Variants in DDR2 observed in about 807,000 individuals in gnomAD.
The protein encoded by DDR2 is discoidin domain receptor tyrosine kinase 2.
DDR2 carries 27 observed loss-of-function variants against 94.9 expected under a neutral mutation model. The ratio of observed to expected loss-of-function variants is 0.28; its 90% CI spans 0.21 to 0.39. The LOEUF (loss-of-function observed/expected upper bound fraction) is 0.39. Among genes scored for constraint, DDR2 ranks in the 10% least tolerant of loss-of-function variants. DDR2 has a pLI of 1.00. For synonymous variants in DDR2, 382 were observed against 377.2 expected (o/e 1.01, Z -0.15); for missense variants, 783 against 1,076.0 (o/e 0.73, Z 3.81).
At chr1:162,772,452 T>A in intron 13 of DDR2, 1 of 597,296 alleles carries the variant, frequency 1.7e-6, no homozygotes, top group Non-Finnish European at 3.0e-6. Flanking sequence ...TTCTGATTTC[T>A]ATATAGGAGT....
rs1178134009 is a variant in DDR2, at chr1:162,787,019, TTATAC to T, written c.*6776_*6780del. ...GAAAACCAGAATTTAGACTCAGTCA[TTATAC>T]TAGAGATTAGAATGAAACGACCCCA... On this transcript the variant is annotated 3_prime_UTR_variant, in exon 18 of 18. Transcript: ENST00000367921. The T allele has an allele frequency of 6.6e-6, 1 of 152,206 alleles. No individual in the cohort carries two copies. The highest frequency in any genetic ancestry group is 6.5e-5 in the Admixed American group (1 of 15,284). The allele number at this position is 152,206 out of a possible 1,614,324, so 9.4% of individuals were successfully genotyped here.
chr1:162,684,829 AC>A (rs1375522206), intron 2 of DDR2, among the ~76,000 whole-genome samples: 1 of 146,642 alleles, frequency 6.8e-6, no homozygotes, highest in African/African-American at 2.7e-5. Flanking sequence ...ACACACACAC[AC>A]ACACACACAC....
intron 7 of DDR2, 123 bp downstream of exon 7, chr1:162,755,892 A>G (rs1023846618): frequency 3.4e-6 from 3 of 871,412 alleles, no homozygotes; most frequent in African/African-American, 3.3e-5. Context: ...TGTACAAGGC[A>G]TTTGGAAATA....
intron 4 of DDR2, among the ~76,000 whole-genome samples, chr1:162,754,054 G>T (rs1178475940): frequency 6.6e-6 from 1 of 152,140 alleles, no homozygotes. Context: ...TCACAATTTT[G>T]CTCAGTGGTA....
In DDR2 at chr1:162,754,681, T is replaced by C. The variant is rs138537887; in HGVS notation, c.243T>C (p.Asp81=). The C allele has an allele frequency of 1.1e-3, 1,770 of 1,614,150 alleles. 6 individuals are homozygous for C. The highest frequency in any genetic ancestry group is 1.3e-3 in the Non-Finnish European group (1,496 of 1,180,016). The part of the protein sequence containing the change: ...AWCPEIPVEP[D]DLKEFLQIDL... ...GCCCTGAGATTCCAGTGGAACCTGA[T>C]GACCTGAAGGAGTTTCTGCAGATTG... The change falls in exon 5 of 18, where the codon GAT becomes GAC. Residue 81 remains aspartate, a synonymous_variant. Coordinates refer to ENST00000367921, the MANE Select transcript of DDR2 (RefSeq NM_006182.4).
intron 2 of DDR2, among the ~76,000 whole-genome samples, chr1:162,689,914 GC>G (rs2101974045): frequency 6.7e-6 from 1 of 149,148 alleles, no homozygotes; most frequent in South Asian, 2.1e-4. Flanking sequence ...TGCTTGGGAG[GC>G]TGAGTTGGGA....
chr1:162,682,555 T>G (rs2101960129), intron 2 of DDR2, among the ~76,000 whole-genome samples: 1 of 152,346 alleles, frequency 6.6e-6, no homozygotes, highest in Non-Finnish European at 1.5e-5. Flanking sequence ...GCTTGCTGGC[T>G]AGCCCAGGCT....
intron 3 of DDR2, 89 bp from the exon 4 acceptor site, chr1:162,753,006 T>C: frequency 2.6e-6 from 3 of 1,136,552 alleles, no homozygotes; most frequent in Non-Finnish European, 3.9e-6. Flanking sequence ...TTATTCCTTG[T>C]TCAATATTCA....
At chr1:162,633,817 T>A (rs1656678277) in intron 1 of DDR2, among the ~76,000 whole-genome samples, 1 of 152,214 alleles carries the variant, frequency 6.6e-6, no homozygotes. Context: ...AAATTCTGAG[T>A]ATTTTCTATG....
intron 3 of DDR2, among the ~76,000 whole-genome samples, chr1:162,747,738 G>A (rs924270479): frequency 2.0e-5 from 3 of 152,102 alleles, no homozygotes; most frequent in African/African-American, 4.8e-5. Flanking sequence ...AAACGTTAAG[G>A]GTAGCCAGAG....
At chr1:162,633,824 T>C (rs1656678654) in intron 1 of DDR2, among the ~76,000 whole-genome samples, 1 of 152,222 alleles carries the variant, frequency 6.6e-6, no homozygotes, top group African/African-American at 2.4e-5. Context: ...GAGTATTTTC[T>C]ATGCAGCAGG....
At chr1:162,691,187 C>G (rs1255075456) in intron 2 of DDR2, among the ~76,000 whole-genome samples, 1 of 152,096 alleles carries the variant, frequency 6.6e-6, no homozygotes, top group Non-Finnish European at 1.5e-5. Flanking sequence ...CTAGGAAGTG[C>G]CTGGGCTGCT....
At chr1:162,654,613 A>G (rs1000427112) in intron 1 of DDR2, among the ~76,000 whole-genome samples, 2 of 152,170 alleles carry the variant, frequency 1.3e-5, no homozygotes, top group African/African-American at 4.8e-5. Context: ...CTCACTTTTC[A>G]TCGTGTGGAG....
chr1:162,724,640 C>T (rs1661574053), intron 3 of DDR2, among the ~76,000 whole-genome samples: 1 of 152,130 alleles, frequency 6.6e-6, no homozygotes, highest in African/African-American at 2.4e-5. Flanking sequence ...TCTCGTCATT[C>T]GTGTTCCCAG....
chr1:162,638,175 C>G (rs1282460937), intron 1 of DDR2, among the ~76,000 whole-genome samples: 1 of 152,168 alleles, frequency 6.6e-6, no homozygotes, highest in Non-Finnish European at 1.5e-5. Flanking sequence ...CACCCGCCAC[C>G]AAGCCCAGCA....
In DDR2 at chr1:162,775,797, C is replaced by T. The variant is rs751660319; in HGVS notation, c.2002C>T (p.Arg668Cys). Residue 668 changes from arginine to cysteine, a missense_variant, in exon 15 of 18, where the codon CGC (arginine) becomes TGC (cysteine). Around this residue, in one of 2 missense-constraint regions of DDR2, gnomAD observed 264 missense variants for 428.2 expected, o/e 0.62. Coordinates refer to ENST00000367921, the MANE Select transcript of DDR2 (RefSeq NM_006182.4). ...TGGAGATCTCAATCAGTTTCTTTCC[C>T]GCCACGAGCCCCCTAATTCTTCCTC... ...ENGDLNQFLS[R>C]HEPPNSSSSD... The T allele has an allele frequency of 1.5e-5, 25 of 1,614,050 alleles. No homozygotes were observed. The highest frequency in any genetic ancestry group is 2.7e-5 in the African/African-American group (2 of 75,018).
At chr1:162,688,803 G>T (rs540650679) in intron 2 of DDR2, among the ~76,000 whole-genome samples, 1 of 152,294 alleles carries the variant, frequency 6.6e-6, no homozygotes, top group Non-Finnish European at 1.5e-5. Flanking sequence ...GTACCAAGAA[G>T]TAAAGAAGTA....
chr1:162,767,427 A>G (rs1664052692), intron 11 of DDR2, 68 bp downstream of exon 11: 1 of 1,591,132 alleles, frequency 6.3e-7, no homozygotes, highest in East Asian at 2.3e-5. Flanking sequence ...CTGTTGTCCC[A>G]GGAGTAAAAG....
chr1:162,655,647 G>A (rs751847762), intron 2 of DDR2, among the ~76,000 whole-genome samples: 2 of 152,196 alleles, frequency 1.3e-5, no homozygotes, highest in Admixed American at 6.5e-5. Context: ...GGCCTAGAAT[G>A]TCTTCCTCAG....
Sources: gnomAD v4.1 joint callset for allele counts (sites outside exome capture counted in the v4.1 genomes callset) on GRCh38, gnomAD v4.1.1 for gene constraint, gnomAD v4.1.1 regional missense constraint, MANE v1.5 for transcripts, NCBI Gene and HGNC (gene_info 2026-07-23, HGNC 2026-07-21) for gene names.